The following MPI variants were observed in gnomAD, a reference collection of about 807,000 sequenced individuals.
MPI encodes the protein mannose phosphate isomerase.
Under a neutral mutation model 40.1 loss-of-function variants are expected in MPI, and 33 were observed. That is an observed-to-expected ratio of 0.82 (90% CI 0.62 to 1.10). The LOEUF (loss-of-function observed/expected upper bound fraction) is 1.10. Ranked by LOEUF, MPI falls within the 50% of genes least tolerant of loss-of-function variation. MPI has a pLI of 0.00. For synonymous variants in MPI, 187 were observed against 207.4 expected, an observed-to-expected ratio of 0.90 and a Z score of 0.85; for missense variants, 514 against 524.1, an observed-to-expected ratio of 0.98 and a Z score of 0.19.
In MPI at chr15:74,890,076, GGCC is replaced by G. The variant is rs1167876749; in HGVS notation, c.6_8del (p.Ala3del). 6.2e-7 allele frequency: 1 copy of G among 1,607,642 alleles called. No individual in the cohort carries two copies. Among genetic ancestry groups the G allele is most frequent in the Non-Finnish European group, 8.5e-7 (1 of 1,179,984 alleles). On this transcript the variant is annotated inframe_deletion, in exon 1 of 8. Transcript: ENST00000352410. Reference sequence around the variant, plus strand: ...TAATCCTGGTGCAGGGGGCGAGCATGGCCGCTCCGCGAGGTGAGCCATTGGCTG... The same window carrying G: ...TAATCCTGGTGCAGGGGGCGAGCATGGCTCCGCGAGGTGAGCCATTGGCTG...
In MPI at chr15:74,897,683, A is replaced by C. The variant is rs2064843322; in HGVS notation, c.1225A>C (p.Thr409Pro). 1.2e-6 allele frequency: 2 copies of C among 1,614,150 alleles called. No homozygotes were observed. Among genetic ancestry groups the C allele is most frequent in the Non-Finnish European group, 8.5e-7 (1 of 1,180,016 alleles). ...GANESVSLKL[T>P]EPKDLLIFRA... ...CAATGAGAGTGTCTCACTGAAGCTT[A>C]CTGAGCCGAAGGACCTGCTGATATT... is the stretch of plus-strand genomic sequence containing the variant. The change falls in exon 8 of 8, where the codon ACT (threonine) becomes CCT (proline). Residue 409 changes from threonine (T) to proline (P), a missense_variant. By Grantham distance (38) the Thr-to-Pro change is conservative. Coordinates refer to ENST00000352410, the MANE Select transcript of MPI (RefSeq NM_002435.3).
chr15:74,896,956 A>G (rs985453308), intron 6 of MPI, 55 bp from the exon 7 acceptor site: 2 of 1,565,198 alleles, frequency 1.3e-6, no homozygotes, highest in African/African-American at 2.7e-5. Context: ...GAGGCCCAGA[A>G]CTGGAGAGCT....
At chr15:74,894,106 G>C (rs1309150334) in intron 5 of MPI, among the ~76,000 whole-genome samples, 920 of 59,000 alleles carry the variant, frequency 0.016, 183 homozygotes, top group East Asian at 0.05. Context: ...GTGTGTGTGT[G>C]TGGTCTCTTT....
intron 5 of MPI, 68 bp downstream of exon 5, chr15:74,893,388 CTG>C (rs749805708): frequency 4.5e-6 from 7 of 1,572,072 alleles, no homozygotes; most frequent in South Asian, 2.2e-5. Context: ...ACACCAGACT[CTG>C]GGGACAGTTC....
intron 4 of MPI, 66 bp downstream of exon 4, chr15:74,892,868 A>G (rs192235506): frequency 3.9e-4 from 624 of 1,611,050 alleles, no homozygotes; most frequent in Non-Finnish European, 5.1e-4. Flanking sequence ...CCAAGATGAT[A>G]GGAACAGTGG....
chr15:74,890,496 G>C (rs1263141206), intron 1 of MPI, 31 bp from the exon 2 acceptor site: 3 of 1,613,208 alleles, frequency 1.9e-6, no homozygotes, highest in African/African-American at 2.7e-5. Flanking sequence ...CTGAGGAGTG[G>C]AGTGGCAGCT....
chr15:74,894,789 A>G lies in MPI; in HGVS notation c.671-1363A>G, dbSNP rs1339441114. ...GAGACAGAGCAAGACTCCGATTCGG[A>G]AAAAAAAAAAAGAAAAAGAAAAAGA... On this transcript the variant is annotated intron_variant, in intron 5 of 7. Coordinates refer to ENST00000352410, the MANE Select transcript of MPI (RefSeq NM_002435.3). 2.8e-5 allele frequency among the ~76,000 whole-genome samples: 4 copies of G among 141,970 alleles called. No homozygotes were observed. The East Asian group carries it at 7.1e-4, about 25-fold the overall frequency. 93.1% of individuals were successfully genotyped at this position (141,970 alleles called of 152,430 possible). A position where few individuals can be genotyped will look rare whatever the true frequency, so the allele number is the denominator to read the frequency against.
chr15:74,893,893 A>T (rs2064763318), intron 5 of MPI: 1 of 163,062 alleles, frequency 6.1e-6, no homozygotes, highest in African/African-American at 2.5e-5. Context: ...GGTGCAGGCG[A>T]TGAGGTCTCA....
Sources: gnomAD v4.1 joint callset for allele counts (sites outside exome capture counted in the v4.1 genomes callset) on GRCh38, gnomAD v4.1.1 for gene constraint, MANE v1.5 for transcripts, NCBI Gene and HGNC (gene_info 2026-07-23, HGNC 2026-07-21) for gene names.